NDST3: variants seen among roughly 807,000 people sequenced by gnomAD.
The protein encoded by NDST3 is N-deacetylase and N-sulfotransferase 3.
A neutral mutation model predicts 96.1 loss-of-function variants in NDST3; 58 were observed. That is an observed-to-expected ratio of 0.60 (90% CI 0.49 to 0.75). The LOEUF (loss-of-function observed/expected upper bound fraction) is 0.75, where lower values mean the gene tolerates loss of function less well. NDST3 is among the 30% of genes least tolerant of loss of function. NDST3 has a pLI of 0.00. For missense variants in NDST3, 788 were observed against 1,034.2 expected (o/e 0.76, Z 3.27); for synonymous variants, 333 against 359.7 (o/e 0.93, Z 0.84).
chr4:118,178,642 A>G (rs1736415490), intron 6 of NDST3, among the ~76,000 whole-genome samples: 1 of 152,084 alleles, frequency 6.6e-6, no homozygotes, highest in African/African-American at 2.4e-5. Flanking sequence ...TGCAGTGAAC[A>G]TGGGTGTACA....
intron 6 of NDST3, among the ~76,000 whole-genome samples, chr4:118,223,649 T>G (rs909516083): frequency 2.0e-5 from 3 of 152,106 alleles, no homozygotes; most frequent in African/African-American, 7.2e-5. Flanking sequence ...CTCTCATCTC[T>G]GTCACATTAC....
intron 6 of NDST3, among the ~76,000 whole-genome samples, chr4:118,157,401 G>A (rs1038688838): frequency 2.8e-4 from 42 of 149,176 alleles, no homozygotes; most frequent in Middle Eastern, 3.2e-3. Flanking sequence ...ACTTCACTAC[G>A]TACATTTTTT....
At chr4:118,120,044 T>C (rs1731428677) in intron 4 of NDST3, among the ~76,000 whole-genome samples, 1 of 152,094 alleles carries the variant, frequency 6.6e-6, no homozygotes, top group Admixed American at 6.6e-5. Flanking sequence ...GAAGTAGAGT[T>C]CTTCCAATCT....
intron 6 of NDST3, among the ~76,000 whole-genome samples, chr4:118,191,767 A>AT (rs1737322761): frequency 6.6e-6 from 1 of 152,190 alleles, no homozygotes; most frequent in Non-Finnish European, 1.5e-5. Flanking sequence ...ATTATTGACT[A>AT]TTGTCACCTT....
chr4:118,145,752 G>T (rs1271882735), intron 6 of NDST3, among the ~76,000 whole-genome samples: 4 of 152,082 alleles, frequency 2.6e-5, no homozygotes, highest in African/African-American at 9.7e-5. Flanking sequence ...CACAAAACTT[G>T]TTCTTTCCTG....
rs924154909 is a variant in NDST3, at chr4:118,057,142, T to C, written c.981+2251T>C. Among the ~76,000 whole-genome samples, 6 of 151,962 alleles carry C rather than the reference T, an allele frequency of 3.9e-5. No homozygotes were observed. In the East Asian group the frequency reaches 7.7e-4, roughly 20 times the overall value. ...GAAGTAAAATTGAACAACTTAGTAA[T>C]TGGCTGAATGGAGATGAAAGAGAAT... On this transcript the variant is annotated intron_variant, in intron 2 of 13. Transcript: ENST00000296499.
At chr4:118,058,337 T>C (rs182772316) in intron 2 of NDST3, among the ~76,000 whole-genome samples, 132 of 150,002 alleles carry the variant, frequency 8.8e-4, no homozygotes, top group African/African-American at 3.0e-3. Flanking sequence ...CACCTAGATG[T>C]TGAATAATAT....
intron 2 of NDST3, among the ~76,000 whole-genome samples, chr4:118,075,583 T>C (rs1347827470): frequency 1.3e-5 from 2 of 152,184 alleles, no homozygotes; most frequent in Non-Finnish European, 2.9e-5. Context: ...TTTTAATGAT[T>C]GCCCTTCTAA....
intron 3 of NDST3, among the ~76,000 whole-genome samples, chr4:118,112,057 G>T (rs1270868945): frequency 6.6e-6 from 1 of 151,858 alleles, no homozygotes; most frequent in East Asian, 1.9e-4. Context: ...AGGATTAAAA[G>T]AAATCAGATA....
At chr4:118,164,937 C>T (rs1185365902) in intron 6 of NDST3, among the ~76,000 whole-genome samples, 1 of 151,742 alleles carries the variant, frequency 6.6e-6, no homozygotes, top group Non-Finnish European at 1.5e-5. Context: ...TAAAAACTAC[C>T]AAATAAATGA....
At chr4:118,203,855 C>A (rs1434075559) in intron 6 of NDST3, among the ~76,000 whole-genome samples, 1 of 152,034 alleles carries the variant, frequency 6.6e-6, no homozygotes. Context: ...TCAACTTAGC[C>A]AATAATTTTT....
chr4:118,109,784 TA>T (rs942162194), intron 3 of NDST3, among the ~76,000 whole-genome samples: 20 of 152,170 alleles, frequency 1.3e-4, no homozygotes, highest in African/African-American at 4.6e-4. Flanking sequence ...CCTTTTTCTA[TA>T]AAAAAATTCT....
At chr4:118,203,292 T>G (rs1032580156) in intron 6 of NDST3, among the ~76,000 whole-genome samples, 2 of 152,188 alleles carry the variant, frequency 1.3e-5, no homozygotes. Context: ...ATTGTGTCTC[T>G]GCCAGATTTG....
chr4:118,226,357 A>G (rs1739880374), intron 7 of NDST3, among the ~76,000 whole-genome samples: 1 of 152,172 alleles, frequency 6.6e-6, no homozygotes, highest in African/African-American at 2.4e-5. Flanking sequence ...TAGTCTATAA[A>G]GTTACATTTT....
At chr4:118,051,790 A>G (rs950791149) in intron 1 of NDST3, among the ~76,000 whole-genome samples, 3 of 152,150 alleles carry the variant, frequency 2.0e-5, no homozygotes, top group Non-Finnish European at 2.9e-5. Context: ...AAAAATGTTC[A>G]TCATCACTAA....
intron 2 of NDST3, among the ~76,000 whole-genome samples, chr4:118,100,631 A>G (rs1729687264): frequency 6.6e-6 from 1 of 152,112 alleles, no homozygotes; most frequent in Admixed American, 6.6e-5. Flanking sequence ...CTGGAAGATT[A>G]TGTCACCACA....
chr4:118,220,715 A>C (rs1035906538), intron 6 of NDST3, among the ~76,000 whole-genome samples: 9 of 152,030 alleles, frequency 5.9e-5, no homozygotes, highest in Admixed American at 1.3e-4. Context: ...ACATCACCAC[A>C]CATCTGTCAG....
intron 12 of NDST3, among the ~76,000 whole-genome samples, chr4:118,249,822 T>C (rs574799429): frequency 1.1e-4 from 17 of 152,076 alleles, no homozygotes; most frequent in African/African-American, 3.9e-4. Context: ...TAATCACCCA[T>C]TGTAATTGTG....
At chr4:118,153,956 A>G (rs779590332) in intron 6 of NDST3, among the ~76,000 whole-genome samples, 16 of 152,186 alleles carry the variant, frequency 1.1e-4, no homozygotes, top group Non-Finnish European at 2.1e-4. Context: ...TGTTAGCAGT[A>G]GTTATCCTAG....
Sources: gnomAD v4.1 joint callset for allele counts (sites outside exome capture counted in the v4.1 genomes callset) on GRCh38, gnomAD v4.1.1 for gene constraint, MANE v1.5 for transcripts, NCBI Gene and HGNC (gene_info 2026-07-23, HGNC 2026-07-21) for gene names.